KSR2: variants seen among roughly 807,000 people sequenced by gnomAD.
The protein encoded by KSR2 is kinase suppressor of ras 2.
A neutral mutation model predicts 107.8 loss-of-function variants in KSR2; 25 were observed. That is an observed-to-expected ratio of 0.23 (90% CI 0.17 to 0.32). The LOEUF is 0.32. Ranked by LOEUF, KSR2 falls within the 10% of genes least tolerant of loss-of-function variation. The probability of loss-of-function intolerance (pLI) is 1.00; values close to 1 mark genes in which losing one functional copy is unlikely to be tolerated. For synonymous variants in KSR2, 480 were observed against 507.0 expected (o/e 0.95, Z 0.71); for missense variants, 887 against 1,268.9 (o/e 0.70, Z 4.57).
intron 14 of KSR2, among the ~76,000 whole-genome samples, chr12:117,504,689 T>C (rs1257320474): frequency 3.3e-5 from 5 of 152,114 alleles, no homozygotes; most frequent in African/African-American, 4.8e-5. Flanking sequence ...CCACAGTATA[T>C]ACAAAAAGAG....
rs926099273 is a variant in KSR2, at chr12:117,968,471, C to T, written c.-216G>A. ...TATTATTTTATTTTGGGATATCAAG[C>T]GGACTCCATTAGAATGTCTCCTCTC... On this transcript the variant is annotated 5_prime_UTR_variant, in exon 1 of 20. Coordinates refer to ENST00000339824, the MANE Select transcript of KSR2 (RefSeq NM_173598.6). 5.2e-5 allele frequency: 69 copies of T among 1,317,302 alleles called. No homozygotes were observed. Among genetic ancestry groups the T allele is most frequent in the Middle Eastern group, 2.8e-4 (1 of 3,568 alleles). The allele number at this position is 1,317,302 out of a possible 1,614,324, so 81.6% of individuals were successfully genotyped here.
chr12:117,470,886 C>A (rs1485291280), intron 18 of KSR2, among the ~76,000 whole-genome samples: 3 of 152,114 alleles, frequency 2.0e-5, no homozygotes, highest in African/African-American at 7.2e-5. Context: ...TGTTTTAATT[C>A]ATATCTTTTA....
At chr12:117,530,033 C>T (rs559169546) in intron 12 of KSR2, among the ~76,000 whole-genome samples, 1 of 151,706 alleles carries the variant, frequency 6.6e-6, no homozygotes, top group South Asian at 2.1e-4. Flanking sequence ...AACAAACAAA[C>T]AAAAAACAAA....
chr12:117,485,304 G>T (rs1050070305), intron 15 of KSR2, among the ~76,000 whole-genome samples: 1 of 152,190 alleles, frequency 6.6e-6, no homozygotes, highest in Admixed American at 6.5e-5. Context: ...AACCAAGAGG[G>T]CTGAATAGCT....
intron 4 of KSR2, among the ~76,000 whole-genome samples, chr12:117,724,857 C>T (rs530790010): frequency 1.2e-4 from 13 of 109,540 alleles, no homozygotes; most frequent in South Asian, 6.4e-4. Flanking sequence ...AGGAAGACTT[C>T]GGGTGGGAGG....
At chr12:117,832,675 C>T (rs1892022570) in intron 3 of KSR2, among the ~76,000 whole-genome samples, 1 of 152,204 alleles carries the variant, frequency 6.6e-6, no homozygotes, top group African/African-American at 2.4e-5. Context: ...TTTCCAGAGC[C>T]CTAGAGAGCA....
At chr12:117,948,211 G>T (rs1475039239) in intron 1 of KSR2, among the ~76,000 whole-genome samples, 3 of 152,174 alleles carry the variant, frequency 2.0e-5, no homozygotes. Context: ...TACTTTGGGA[G>T]GCTGATGCAG....
intron 3 of KSR2, among the ~76,000 whole-genome samples, chr12:117,831,659 C>G (rs1891973388): frequency 6.6e-6 from 1 of 152,164 alleles, no homozygotes; most frequent in African/African-American, 2.4e-5. Context: ...CACAGCAACT[C>G]CATGCAAGAC....
intron 14 of KSR2, among the ~76,000 whole-genome samples, chr12:117,509,527 G>A (rs1407189801): frequency 6.6e-6 from 1 of 152,226 alleles, no homozygotes; most frequent in African/African-American, 2.4e-5. Flanking sequence ...TGACAAGATA[G>A]AATAATAATC....
chr12:117,482,303 A>G (rs1300233469), intron 16 of KSR2, among the ~76,000 whole-genome samples: 1 of 152,102 alleles, frequency 6.6e-6, no homozygotes, highest in Non-Finnish European at 1.5e-5. Context: ...CCTCCCCGCC[A>G]TCTGATTGCA....
At chr12:117,675,726 C>G (rs494319) in intron 4 of KSR2, among the ~76,000 whole-genome samples, 144,203 of 152,232 alleles carry the variant, frequency 0.95, 68,591 homozygotes, top group Non-Finnish European at 0.99. Context: ...GTGTCCCCTT[C>G]AACTCAGAAG....
intron 4 of KSR2, among the ~76,000 whole-genome samples, chr12:117,677,950 T>A (rs914717566): frequency 2.6e-5 from 4 of 152,140 alleles, no homozygotes; most frequent in Admixed American, 6.5e-5. Context: ...CTTTTTTGTT[T>A]TTGAGACAGA....
chr12:117,669,751 C>G (rs1015415246), intron 4 of KSR2, among the ~76,000 whole-genome samples: 1 of 151,792 alleles, frequency 6.6e-6, no homozygotes, highest in Non-Finnish European at 1.5e-5. Context: ...GCCTGCAGTC[C>G]CAGCTACTCA....
chr12:117,717,706 TGTGTGTGC>T (rs1887047569), intron 4 of KSR2, among the ~76,000 whole-genome samples: 1 of 89,888 alleles, frequency 1.1e-5, no homozygotes, highest in South Asian at 3.6e-4. Context: ...TGTGTGTGTG[TGTGTGTGC>T]ATGCGCGCGC....
intron 1 of KSR2, among the ~76,000 whole-genome samples, chr12:117,938,234 A>G (rs868499623): frequency 6.6e-6 from 1 of 152,148 alleles, no homozygotes; most frequent in African/African-American, 2.4e-5. Context: ...CGTGCAACAC[A>G]TATTTGTACA....
intron 1 of KSR2, among the ~76,000 whole-genome samples, chr12:117,861,811 ACT>A (rs1388892813): frequency 6.6e-6 from 1 of 152,080 alleles, no homozygotes; most frequent in Non-Finnish European, 1.5e-5. Flanking sequence ...CCCAAAATTA[ACT>A]CTTTTAAAAT....
At position 117,555,993 on chromosome 12, in the gene KSR2, G is replaced by A. The variant is rs527974975; in HGVS notation, c.1394-700C>T. 1.8e-3 allele frequency among the ~76,000 whole-genome samples: 268 copies of A among 151,074 alleles called. 2 individuals are homozygous for A. Among genetic ancestry groups the A allele is most frequent in the African/African-American group, 5.8e-3 (241 of 41,446 alleles). On this transcript the variant is annotated intron_variant, in intron 8 of 19. Transcript: ENST00000339824. ...GTTGTTGTTGTTGTTTTATTGCAGC[G>A]GTGAGGGGAGGGTGTTGGTTGAGAA...
intron 1 of KSR2, among the ~76,000 whole-genome samples, chr12:117,893,582 T>C (rs1894413427): frequency 6.6e-6 from 1 of 152,214 alleles, no homozygotes; most frequent in South Asian, 2.1e-4. Flanking sequence ...CACATCTCTC[T>C]GAACCTTGTA....
chr12:117,477,066 T>G (rs1184847198), intron 16 of KSR2, among the ~76,000 whole-genome samples: 1 of 152,172 alleles, frequency 6.6e-6, no homozygotes, highest in Non-Finnish European at 1.5e-5. Flanking sequence ...AAGTGTTAAG[T>G]GACTTGTCTG....
Sources: allele counts gnomAD v4.1 joint callset (sites outside exome capture counted in the v4.1 genomes callset), GRCh38; gene constraint gnomAD v4.1.1; transcripts MANE v1.5; gene names NCBI Gene and HGNC (gene_info 2026-07-23, HGNC 2026-07-21).